Variants in NFU1 observed in about 807,000 individuals in gnomAD.
NFU1 encodes NFU1 iron-sulfur cluster scaffold, also known as NFU1 iron-sulfur cluster scaffold homolog, mitochondrial.
A neutral mutation model predicts 32.2 loss-of-function variants in NFU1; 30 were observed. The ratio of observed to expected loss-of-function variants is 0.93; its 90% CI spans 0.70 to 1.26. The LOEUF (loss-of-function observed/expected upper bound fraction) is 1.26. Among genes scored for constraint, NFU1 ranks in the 50% most tolerant of loss-of-function variants. The pLI is 0.00. For missense variants in NFU1, 306 were observed against 306.6 expected (o/e 1.00, Z 0.02); for synonymous variants, 112 against 104.6 (o/e 1.07, Z -0.43).
At chr2:69,424,763 C>T (rs190812306) in intron 2 of NFU1, among the ~76,000 whole-genome samples, 36 of 152,196 alleles carry the variant, frequency 2.4e-4, no homozygotes, top group Admixed American at 2.1e-3. Context: ...CACTAAAATG[C>T]TACATTCTCT....
rs1350111209 is a variant in NFU1 at position 69,437,397 on chromosome 2, C to T, written c.26G>A (p.Trp9Ter). 4 of 1,610,366 alleles carry T rather than the reference C, an allele frequency of 2.5e-6. No individual in the cohort carries two copies. The highest frequency in any genetic ancestry group is 3.4e-6 in the Non-Finnish European group (4 of 1,179,526). ...CCCGGCGGCAACAGCCGCAGCTCCCCAGCCCCGCCTGGCCGTCGCCGCCAT... is the reference window on the plus strand; with the variant it reads ...CCCGGCGGCAACAGCCGCAGCTCCCTAGCCCCGCCTGGCCGTCGCCGCCAT... MAATARRGWGAAAVAAGLR... is the reference protein window; with the variant it reads MAATARRG The change falls in exon 1 of 8, where the codon TGG (tryptophan) becomes TAG (stop). Residue 9 changes from tryptophan to a stop codon, truncating the protein, a stop_gained. Transcript: ENST00000410022. LOFTEE classifies it high-confidence loss of function.
chr2:69,438,611 G>A (rs995647145), upstream of NFU1, among the ~76,000 whole-genome samples: 2 of 152,046 alleles, frequency 1.3e-5, no homozygotes, highest in East Asian at 3.9e-4. Context: ...TAAAATTTGA[G>A]AATCACTGTT....
intron 3 of NFU1, among the ~76,000 whole-genome samples, chr2:69,422,368 T>A (rs981857385): frequency 6.6e-6 from 1 of 152,194 alleles, no homozygotes; most frequent in Non-Finnish European, 1.5e-5. Context: ...CCAGGGAAAG[T>A]GAAACCACAG....
At chr2:69,424,108 G>T (rs1423493063) in intron 2 of NFU1, among the ~76,000 whole-genome samples, 2 of 140,456 alleles carry the variant, frequency 1.4e-5, no homozygotes, top group African/African-American at 2.6e-5. Flanking sequence ...CGAGGCGGAG[G>T]TTGCAGTGAG....
intron 5 of NFU1, among the ~76,000 whole-genome samples, chr2:69,408,458 A>C (rs1672769596): frequency 6.6e-6 from 1 of 151,976 alleles, no homozygotes; most frequent in Non-Finnish European, 1.5e-5. Flanking sequence ...AGTGGCTCAC[A>C]CCTGTAATCC....
At chr2:69,415,979 TAATA>T (rs1266798678) in intron 4 of NFU1, among the ~76,000 whole-genome samples, 1 of 115,426 alleles carries the variant, frequency 8.7e-6, no homozygotes, top group Non-Finnish European at 1.8e-5. Flanking sequence ...TTTTTAAAAA[TAATA>T]AAGGGAAAGG....
intron 2 of NFU1, among the ~76,000 whole-genome samples, chr2:69,428,603 A>C (rs1172725799): frequency 1.3e-5 from 2 of 152,224 alleles, no homozygotes; most frequent in African/African-American, 4.8e-5. Flanking sequence ...TGACAGAGCC[A>C]GGATTCAAAG....
At position 69,422,126 on chromosome 2, in the gene NFU1, G is replaced by A. The variant is rs367872053; in HGVS notation, c.302+1456C>T. 7.6e-4 allele frequency among the ~76,000 whole-genome samples: 115 copies of A among 152,248 alleles called. 2 individuals are homozygous for A. Among genetic ancestry groups the A allele is most frequent in the Non-Finnish European group, 2.8e-4 (19 of 68,030 alleles). On this transcript the variant is annotated intron_variant, in intron 3 of 7. Coordinates refer to ENST00000410022, the MANE Select transcript of NFU1 (RefSeq NM_001002755.4). ...CTACTTTAAGAGATGGCTTCTAAGTGATCAATGATGCAGCGAGGGTGGTGG... is the reference window on the plus strand; with the variant it reads ...CTACTTTAAGAGATGGCTTCTAAGTAATCAATGATGCAGCGAGGGTGGTGG...
chr2:69,413,291 A>G (rs1205832386), intron 5 of NFU1, among the ~76,000 whole-genome samples: 3 of 150,562 alleles, frequency 2.0e-5, no homozygotes, highest in African/African-American at 7.4e-5. Flanking sequence ...GTTTCAAAAA[A>G]AAAAAAGAAA....
At chr2:69,403,029 C>T (rs1672577058) in intron 6 of NFU1, among the ~76,000 whole-genome samples, 1 of 150,346 alleles carries the variant, frequency 6.7e-6, no homozygotes, top group Non-Finnish European at 1.5e-5. Flanking sequence ...TCCTCCCTCC[C>T]TCTCTCTTTC....
chr2:69,404,975 G>A (rs760643753), intron 6 of NFU1, among the ~76,000 whole-genome samples: 8 of 151,744 alleles, frequency 5.3e-5, no homozygotes, highest in Middle Eastern at 3.4e-3. Flanking sequence ...TTGGCTGGGC[G>A]CAGTGGCTCA....
Position 69,406,094 on chromosome 2 carries a change from T to A in NFU1, c.485-12A>T. 6.5e-7 allele frequency: 1 copy of A among 1,539,924 alleles called. No homozygotes were observed. Among genetic ancestry groups the A allele is most frequent in the Non-Finnish European group, 9.0e-7 (1 of 1,114,776 alleles). On this transcript the variant is annotated splice_polypyrimidine_tract_variant and intron_variant, in intron 5 of 7. Coordinates refer to ENST00000410022, the MANE Select transcript of NFU1 (RefSeq NM_001002755.4). The stretch of plus-strand genomic sequence containing the variant: ...ATCTTCTTCAGATCCTAGAAATAAT[T>A]ACATATAAAAACATCAAGAGTAGAA...
At chr2:69,416,751 T>C (rs1041383615) in intron 4 of NFU1, among the ~76,000 whole-genome samples, 2 of 151,868 alleles carry the variant, frequency 1.3e-5, no homozygotes, top group Admixed American at 6.6e-5. Flanking sequence ...ATACAAAAAT[T>C]AGCCGGCGTG....
chr2:69,438,607 T>C (rs897252002), upstream of NFU1, among the ~76,000 whole-genome samples: 12 of 152,144 alleles, frequency 7.9e-5, no homozygotes, highest in African/African-American at 2.7e-4. Context: ...CAGCTAAAAT[T>C]TGAGAATCAC....
At chr2:69,415,164 T>A in intron 5 of NFU1, 21 bp downstream of exon 5, 1 of 1,319,044 alleles carries the variant, frequency 7.6e-7, no homozygotes, top group Non-Finnish European at 1.1e-6. Flanking sequence ...CAAATTTTAA[T>A]TACTCAATAC....
At chr2:69,431,616 C>T (rs987110869) in intron 2 of NFU1, among the ~76,000 whole-genome samples, 2 of 152,126 alleles carry the variant, frequency 1.3e-5, no homozygotes, top group African/African-American at 2.4e-5. Context: ...CAGATTTTAA[C>T]TTCTACAGTA....
chr2:69,428,915 T>C (rs1443271146), intron 2 of NFU1, among the ~76,000 whole-genome samples: 3 of 152,220 alleles, frequency 2.0e-5, no homozygotes, highest in East Asian at 1.9e-4. Flanking sequence ...CAGTTCCAGC[T>C]AGCTGAAGTT....
intron 1 of NFU1, among the ~76,000 whole-genome samples, chr2:69,432,952 C>T (rs891526761): frequency 1.1e-4 from 17 of 151,826 alleles, no homozygotes; most frequent in South Asian, 6.2e-4. Context: ...GAGTTCGAGA[C>T]GAGCCTGCCC....
intron 2 of NFU1, chr2:69,429,846 T>C (rs534532869): frequency 1.2e-5 from 2 of 168,520 alleles, no homozygotes; most frequent in African/African-American, 2.4e-5. Context: ...CTAGGTAATG[T>C]AGTGAAACCT....
Sources: gnomAD v4.1 joint callset for allele counts (sites outside exome capture counted in the v4.1 genomes callset) on GRCh38, gnomAD v4.1.1 for gene constraint, MANE v1.5 for transcripts, NCBI Gene and HGNC (gene_info 2026-07-23, HGNC 2026-07-21) for gene names.